The following JAM3 variants were observed in gnomAD, a reference collection of about 807,000 sequenced individuals.
JAM3 encodes the protein junctional adhesion molecule C.
Under a neutral mutation model 39.4 loss-of-function variants are expected in JAM3, and 31 were observed. The ratio of observed to expected loss-of-function variants is 0.79; its 90% confidence interval spans 0.59 to 1.06. The LOEUF is 1.06. JAM3 is among the 50% of genes least tolerant of loss of function. The pLI is 0.00. For synonymous variants in JAM3, 182 were observed against 148.7 expected (o/e 1.22, Z -1.63); for missense variants, 455 against 391.4 (o/e 1.16, Z -1.37).
At chr11:134,115,322 G>T (rs1253393107) in intron 1 of JAM3, among the ~76,000 whole-genome samples, 1 of 151,974 alleles carries the variant, frequency 6.6e-6, no homozygotes, top group African/African-American at 2.4e-5. Flanking sequence ...AACAATATAT[G>T]CCATTTAATT....
intron 1 of JAM3, among the ~76,000 whole-genome samples, chr11:134,072,383 G>A (rs1363782846): frequency 2.9e-5 from 4 of 136,858 alleles, no homozygotes; most frequent in Non-Finnish European, 4.7e-5. Flanking sequence ...AAAACTCACT[G>A]CAAAACTCCG....
chr11:134,137,743 A>T (rs12803327), intron 1 of JAM3, among the ~76,000 whole-genome samples: 1,184 of 58,850 alleles, frequency 0.02, no homozygotes, highest in African/African-American at 0.084. Context: ...GCGTCTCGTC[A>T]AAGTCGTGGT....
intron 1 of JAM3, among the ~76,000 whole-genome samples, chr11:134,118,187 ACATTTGTCATGC>A (rs1037109015): frequency 6.6e-5 from 10 of 152,210 alleles, no homozygotes; most frequent in African/African-American, 2.4e-4. Context: ...TTAGTCATAC[ACATTTGTCATGC>A]CTCAGTACCT....
rs1943160744 is a variant in JAM3, at chr11:134,149,816, G to C, written c.*635G>C. ...AGAGGGATCTTGCCTGAGGAACCCTGCTTGTCCAACAGGGTGTCAGGATTT... is the reference window on the plus strand; with the variant it reads ...AGAGGGATCTTGCCTGAGGAACCCTCCTTGTCCAACAGGGTGTCAGGATTT... On this transcript the variant is annotated 3_prime_UTR_variant, in exon 9 of 9. Coordinates refer to ENST00000299106, the MANE Select transcript of JAM3 (RefSeq NM_032801.5). The C allele has an allele frequency of 8.0e-6, 3 of 374,176 alleles. No homozygotes were observed. The highest frequency in any genetic ancestry group is 1.6e-5 in the Non-Finnish European group (3 of 186,376). The allele number at this position is 374,176 out of a possible 1,614,324, so 23.2% of individuals were successfully genotyped here.
chr11:134,148,314 G>C (rs1426237011), intron 6 of JAM3: 5 of 580,344 alleles, frequency 8.6e-6, no homozygotes, highest in Non-Finnish European at 1.2e-5. Flanking sequence ...CAGTGCGACT[G>C]CATTTCAACT....
intron 1 of JAM3, among the ~76,000 whole-genome samples, chr11:134,103,403 A>T (rs541226547): frequency 5.0e-4 from 76 of 152,334 alleles, no homozygotes; most frequent in African/African-American, 1.7e-3. Flanking sequence ...AGCCACTGCA[A>T]AAACATGCCA....
chr11:134,135,396 G>T (rs1942845187), intron 1 of JAM3, among the ~76,000 whole-genome samples: 1 of 152,054 alleles, frequency 6.6e-6, no homozygotes, highest in Admixed American at 6.5e-5. Flanking sequence ...ATGCTGTGGG[G>T]GGACCCCACA....
chr11:134,078,451 A>G (rs1198207063), intron 1 of JAM3, among the ~76,000 whole-genome samples: 2 of 152,184 alleles, frequency 1.3e-5, no homozygotes, highest in Non-Finnish European at 2.9e-5. Flanking sequence ...CTTTGCTCTC[A>G]GTTTAACACT....
Position 134,144,380 on chromosome 11 carries a change from G to C in JAM3, c.396G>C (p.Glu132Asp). ...DRKEIDEIVI[E>D]LTVQVKPVTP... is the part of the protein sequence containing the mutation. ...AGGAAATTGATGAGATTGTGATCGA[G>C]TTAACTGTGCAAGGTAGGAGCTCAT... is the stretch of plus-strand genomic sequence containing the variant. The change falls in exon 4 of 9, where the codon GAG becomes GAC. Residue 132 changes from glutamate (E) to aspartate (D), a missense_variant. Glu to Asp is a conservative substitution (Grantham distance 45, BLOSUM62 2). Transcript: ENST00000299106. 3 of 1,614,230 alleles carry C rather than the reference G, an allele frequency of 1.9e-6. No homozygotes were observed. The highest frequency in any genetic ancestry group is 2.5e-6 in the Non-Finnish European group (3 of 1,180,044).
At chr11:134,112,557 A>G (rs1266729274) in intron 1 of JAM3, among the ~76,000 whole-genome samples, 1 of 152,212 alleles carries the variant, frequency 6.6e-6, no homozygotes, top group African/African-American at 2.4e-5. Flanking sequence ...ATATTTTGCT[A>G]ACATTTCCTG....
In JAM3 at chr11:134,139,905, A is replaced by G. The variant is rs756903607; in HGVS notation, c.131A>G (p.Gln44Arg). The change falls in exon 2 of 9, where the codon CAG becomes CGG. Residue 44 changes from glutamine (Q) to arginine (R), a missense_variant. By Grantham distance (43) the Gln-to-Arg change is conservative. Transcript: ENST00000299106. ...LKSSNRTPVV[Q>R]EFESVELSCI... The stretch of plus-strand genomic sequence containing the variant: ...TCCAGCAATCGAACCCCAGTGGTAC[A>G]GGAATTTGAAAGTAAGTACAAACGA... 2 of 1,613,548 alleles carry G rather than the reference A, an allele frequency of 1.2e-6. No individual in the cohort carries two copies. Among genetic ancestry groups the G allele is most frequent in the Non-Finnish European group, 1.7e-6 (2 of 1,179,446 alleles).
At chr11:134,110,923 A>C (rs1942297191) in intron 1 of JAM3, among the ~76,000 whole-genome samples, 2 of 152,028 alleles carry the variant, frequency 1.3e-5, no homozygotes, top group Non-Finnish European at 2.9e-5. Context: ...TGAATGAGTG[A>C]TCTGGTGAAA....
At chr11:134,136,280 CAATT>C (rs1942864352) in intron 1 of JAM3, among the ~76,000 whole-genome samples, 1 of 152,136 alleles carries the variant, frequency 6.6e-6, no homozygotes, top group Non-Finnish European at 1.5e-5. Flanking sequence ...AGTGTGTGCA[CAATT>C]AAACTTCAGC....
rs1309498684 is a variant in JAM3, at chr11:134,140,694, A to C, written c.180A>C (p.Thr60=). 6.2e-7 allele frequency: 1 copy of C among 1,613,754 alleles called. No individual in the cohort carries two copies. The highest frequency in any genetic ancestry group is 1.3e-5 in the African/African-American group (1 of 74,864). ...CTTGCATCATTACGGATTCGCAGACAAGTGACCCCAGGATCGAGTGGAAGA... is the reference window on the plus strand; with the variant it reads ...CTTGCATCATTACGGATTCGCAGACCAGTGACCCCAGGATCGAGTGGAAGA... ...ELSCIITDSQ[T]SDPRIEWKKI... is the part of the protein sequence containing the mutation. The change falls in exon 3 of 9, where the codon ACA becomes ACC. Residue 60 remains threonine, a synonymous_variant. Transcript: ENST00000299106.
chr11:134,071,368 A>G (rs1040931312), intron 1 of JAM3, among the ~76,000 whole-genome samples: 5 of 152,184 alleles, frequency 3.3e-5, no homozygotes, highest in South Asian at 2.1e-4. Context: ...TGTTAATCCA[A>G]TTTTTAGTTA....
intron 1 of JAM3, among the ~76,000 whole-genome samples, chr11:134,129,658 A>C (rs777999556): frequency 6.6e-6 from 1 of 152,230 alleles, no homozygotes; most frequent in Non-Finnish European, 1.5e-5. Flanking sequence ...GTAAGTTTTT[A>C]AATAATATTT....
chr11:134,122,176 C>T (rs569458941), intron 1 of JAM3, among the ~76,000 whole-genome samples: 20 of 152,088 alleles, frequency 1.3e-4, no homozygotes, highest in Non-Finnish European at 2.1e-4. Flanking sequence ...TTCACATAGC[C>T]GGCCAACATT....
intron 1 of JAM3, among the ~76,000 whole-genome samples, chr11:134,109,582 G>A (rs891719730): frequency 6.6e-6 from 1 of 152,120 alleles, no homozygotes; most frequent in Non-Finnish European, 1.5e-5. Context: ...ACTTTATTTT[G>A]CCAAGGTTAA....
At chr11:134,108,895 C>T (rs535292697) in intron 1 of JAM3, among the ~76,000 whole-genome samples, 10 of 152,172 alleles carry the variant, frequency 6.6e-5, no homozygotes, top group Non-Finnish European at 1.2e-4. Context: ...AAACAATATC[C>T]ATGAAAAAGT....
Sources: allele counts gnomAD v4.1 joint callset (sites outside exome capture counted in the v4.1 genomes callset), GRCh38; gene constraint gnomAD v4.1.1; transcripts MANE v1.5; gene names NCBI Gene and HGNC (gene_info 2026-07-23, HGNC 2026-07-21).